The following SCN1A variants were observed in gnomAD, a reference collection of about 807,000 sequenced individuals.
The protein encoded by SCN1A is sodium voltage-gated channel alpha subunit 1, also known as sodium channel protein type 1 subunit alpha.
SCN1A carries 13 observed loss-of-function variants against 193.7 expected under a neutral mutation model. That is an observed-to-expected ratio of 0.07 (90% CI 0.04 to 0.11). The LOEUF is 0.11. Among genes scored for constraint, SCN1A ranks in the 10% least tolerant of loss-of-function variants. The pLI is 1.00. For synonymous variants in SCN1A, 781 were observed against 843.6 expected (o/e 0.93, Z 1.29); for missense variants, 1,432 against 2,451.1 (o/e 0.58, Z 8.78).
At chr2:166,020,103 G>C (rs1693832412) in intron 19 of SCN1A, among the ~76,000 whole-genome samples, 1 of 151,814 alleles carries the variant, frequency 6.6e-6, no homozygotes, top group South Asian at 2.1e-4. Flanking sequence ...GTAGAGACAG[G>C]GTTTCACCAT....
chr2:166,145,259 G>A (rs1223283219), intron 1 of SCN1A, among the ~76,000 whole-genome samples: 1 of 135,516 alleles, frequency 7.4e-6, no homozygotes. Context: ...ACCTGGTCTC[G>A]ATCTCCTGAC....
Position 166,059,724 on chromosome 2 carries a change from A to T in SCN1A, c.265-1036T>A, listed in dbSNP as rs1285756476. ...GATGCATATCTGCACAGATCATGTT[A>T]TGATACAGCAAGCATAAATGTTATG... On this transcript the variant is annotated intron_variant, in intron 4 of 28. Coordinates refer to ENST00000674923, the MANE Select transcript of SCN1A (RefSeq NM_001165963.4). 2.0e-5 allele frequency among the ~76,000 whole-genome samples: 3 copies of T among 152,224 alleles called. No individual in the cohort carries two copies. In the East Asian group the frequency reaches 5.8e-4, roughly 29 times the overall value.
At chr2:166,035,673 G>A (rs1386769157) in intron 19 of SCN1A, among the ~76,000 whole-genome samples, 1 of 152,066 alleles carries the variant, frequency 6.6e-6, no homozygotes, top group Non-Finnish European at 1.5e-5. Context: ...GCCTACAGTT[G>A]GGCAAAATCA....
chr2:166,113,298 A>G (rs1339559211), intron 2 of SCN1A, among the ~76,000 whole-genome samples: 1 of 152,060 alleles, frequency 6.6e-6, no homozygotes, highest in Non-Finnish European at 1.5e-5. Flanking sequence ...GCTTTTTTTT[A>G]AATTTAGAAT....
chr2:166,016,156 A>G, intron 19 of SCN1A: 1 of 223,944 alleles, frequency 4.5e-6, no homozygotes, highest in Admixed American at 5.2e-5. Flanking sequence ...TTCTTTAACA[A>G]TGTCTTACCT....
intron 2 of SCN1A, chr2:166,126,224 A>T (rs1228697345): frequency 1.3e-5 from 2 of 152,172 alleles, no homozygotes; most frequent in Admixed American, 1.3e-4. Context: ...CACCAGCTAA[A>T]AATCTCTTCC....
intron 1 of SCN1A, among the ~76,000 whole-genome samples, chr2:166,136,269 T>G (rs1252772263): frequency 6.6e-6 from 1 of 152,158 alleles, no homozygotes; most frequent in Non-Finnish European, 1.5e-5. Context: ...ACATAGGGGA[T>G]GTGACCCCTG....
chr2:165,992,709 G>T lies in SCN1A; in HGVS notation c.4853-287C>A, dbSNP rs765151040. On this transcript the variant is annotated intron_variant, in intron 28 of 28. Coordinates refer to ENST00000674923, the MANE Select transcript of SCN1A (RefSeq NM_001165963.4). This position sits in a 1 kb window ranked among gnomAD's most constrained non-coding sequence, Gnocchi z 6.5. The stretch of plus-strand genomic sequence containing the variant: ...AAAGTCCCAAGTCAGAATTTAAAAA[G>T]AAAATAAGTTAAAAATGCACATTTG... 34 of 169,336 alleles carry T rather than the reference G, an allele frequency of 2.0e-4. No individual in the cohort carries two copies. Among genetic ancestry groups the T allele is most frequent in the Non-Finnish European group, 3.4e-4 (28 of 81,696 alleles). 10.5% of individuals were successfully genotyped at this position (169,336 alleles called of 1,614,324 possible). A position where few individuals can be genotyped will look rare whatever the true frequency, so the allele number is the denominator to read the frequency against.
intron 23 of SCN1A, among the ~76,000 whole-genome samples, chr2:166,005,232 T>C (rs1215982133): frequency 1.3e-5 from 2 of 151,410 alleles, no homozygotes; most frequent in East Asian, 3.9e-4. Context: ...GCTTTGAATA[T>C]AGGAATAAAA....
intron 8 of SCN1A, 52 bp from the exon 9 acceptor site, chr2:166,052,040 A>G (rs780033510): frequency 2.0e-6 from 3 of 1,510,408 alleles, no homozygotes; most frequent in Non-Finnish European, 2.7e-6. Context: ...TGAAATAATA[A>G]AAGCTTCACA....
chr2:165,997,327 T>C (rs1346057448), intron 26 of SCN1A, among the ~76,000 whole-genome samples: 2 of 151,288 alleles, frequency 1.3e-5, no homozygotes, highest in African/African-American at 4.8e-5. Flanking sequence ...AAGTGGAATT[T>C]ATAATTATAG....
chr2:166,037,642 A>T, intron 18 of SCN1A, 134 bp downstream of exon 18: 2 of 831,080 alleles, frequency 2.4e-6, no homozygotes, highest in Non-Finnish European at 1.9e-6. Flanking sequence ...AACAGTCACC[A>T]TTAAATTATA....
At chr2:166,055,293 A>C (rs1699015194) in intron 6 of SCN1A, among the ~76,000 whole-genome samples, 1 of 151,850 alleles carries the variant, frequency 6.6e-6, no homozygotes, top group Non-Finnish European at 1.5e-5. Context: ...AATTTAATTT[A>C]GAATAAAATT....
At chr2:166,025,234 G>A (rs978273270) in intron 19 of SCN1A, among the ~76,000 whole-genome samples, 11 of 152,076 alleles carry the variant, frequency 7.2e-5, no homozygotes, top group Non-Finnish European at 1.5e-4. Flanking sequence ...TTCTTTTCCA[G>A]GGCTCAGGAT....
chr2:165,986,696 C>CAAAAAAAA lies in SCN1A; in HGVS notation c.*4541_*4548dup. On this transcript the variant is annotated 3_prime_UTR_variant, in exon 29 of 29. Transcript: ENST00000674923. The stretch of plus-strand genomic sequence containing the variant: ...ACATAGGCACTTCAGTAACACACAG[C>CAAAAAAAA]AAAAAAAAAAAAAAAATCCTCCCCT... The CAAAAAAAA allele has an allele frequency of 7.3e-6, 1 of 136,606 alleles. No homozygotes were observed. The allele number at this position is 136,606 out of a possible 1,614,324, so 8.5% of individuals were successfully genotyped here. A position where few individuals can be genotyped will look rare whatever the true frequency, so the allele number is the denominator to read the frequency against.
Position 166,073,487 on chromosome 2 carries a change from G to T in SCN1A, c.135C>A (p.Asp45Glu). ...KNPKPDKKDD[D>E]ENGPKPNSDL... ...CACTATTTGGCTTTGGGCCATTTTC[G>T]TCGTCATCTTTTTTGTCTGGTTTGG... Residue 45 changes from aspartate to glutamate, a missense_variant, in exon 4 of 29, where the codon GAC becomes GAA. By Grantham distance (45) the Asp-to-Glu change is conservative. Around this residue, in one of 18 missense-constraint regions of SCN1A, gnomAD observed 55 missense variants for 58.4 expected, o/e 0.94. Coordinates refer to ENST00000674923, the MANE Select transcript of SCN1A (RefSeq NM_001165963.4). 4 of 1,614,054 alleles carry T rather than the reference G, an allele frequency of 2.5e-6. No homozygotes were observed. The highest frequency in any genetic ancestry group is 3.4e-6 in the Non-Finnish European group (4 of 1,180,004).
At chr2:166,089,378 C>T (rs1385958271) in intron 2 of SCN1A, among the ~76,000 whole-genome samples, 1 of 152,070 alleles carries the variant, frequency 6.6e-6, no homozygotes, top group East Asian at 1.9e-4. Context: ...TTTCCTGCTT[C>T]CTGAAATTCA....
At chr2:166,122,856 C>T (rs1193662864) in intron 2 of SCN1A, among the ~76,000 whole-genome samples, 1 of 151,800 alleles carries the variant, frequency 6.6e-6, no homozygotes, top group African/African-American at 2.4e-5. Context: ...GCACAAGTGA[C>T]AAAAGAAAAA....
chr2:165,996,904 A>G (rs1485139974), intron 26 of SCN1A, among the ~76,000 whole-genome samples: 1 of 151,486 alleles, frequency 6.6e-6, no homozygotes, highest in African/African-American at 2.4e-5. Context: ...ACATGTTCAA[A>G]TGTAATAAAA....
Sources: gnomAD v4.1 joint callset for allele counts (sites outside exome capture counted in the v4.1 genomes callset) on GRCh38, gnomAD v4.1.1 for gene constraint, gnomAD v4.1.1 regional missense constraint, Gnocchi (gnomAD v3.1) non-coding constraint, MANE v1.5 for transcripts, NCBI Gene and HGNC (gene_info 2026-07-23, HGNC 2026-07-21) for gene names.